Variants in PRELID2 observed in about 807,000 individuals in gnomAD.
PRELID2 encodes the protein PRELI domain-containing protein 2.
A neutral mutation model predicts 28.4 loss-of-function variants in PRELID2; 25 were observed. The ratio of observed to expected loss-of-function variants is 0.88; its 90% CI spans 0.64 to 1.23. PRELID2 has a LOEUF of 1.23. Among genes scored for constraint, PRELID2 ranks in the 50% most tolerant of loss-of-function variants. The pLI, the probability that PRELID2 is intolerant of heterozygous loss-of-function variation, is 0.00. For missense variants in PRELID2, 201 were observed against 214.4 expected, an observed-to-expected ratio of 0.94 and a Z score of 0.39; for synonymous variants, 76 against 71.6, an observed-to-expected ratio of 1.06 and a Z score of -0.31.
chr5:145,570,904 C>T (rs556746833), intron 1 of PRELID2, among the ~76,000 whole-genome samples: 1 of 152,328 alleles, frequency 6.6e-6, no homozygotes, highest in African/African-American at 2.4e-5. Context: ...CAAGACATTA[C>T]ATAAGCTGGT....
chr5:145,242,957 A>G, the PRELID2 span, among the ~76,000 whole-genome samples: 1 of 152,108 alleles, frequency 6.6e-6, no homozygotes, highest in Non-Finnish European at 1.5e-5. Context: ...ACCATTTCCC[A>G]TTTATTTTCA....
At chr5:145,691,966 C>G (rs923063774) in intron 1 of PRELID2, among the ~76,000 whole-genome samples, 9 of 152,214 alleles carry the variant, frequency 5.9e-5, no homozygotes, top group African/African-American at 2.2e-4. Context: ...GGAATACCAC[C>G]CTGGCCACCT....
intron 1 of PRELID2, among the ~76,000 whole-genome samples, chr5:145,474,235 G>C (rs544531238): frequency 4.0e-4 from 61 of 152,290 alleles, no homozygotes; most frequent in African/African-American, 1.3e-3. Flanking sequence ...ATGTAGACGT[G>C]ATCAGTTTTG....
chr5:145,696,625 C>T (rs1312241499), intron 1 of PRELID2, among the ~76,000 whole-genome samples: 1 of 152,028 alleles, frequency 6.6e-6, no homozygotes, highest in East Asian at 1.9e-4. Context: ...CCACACCTGG[C>T]TAATTTTTTT....
chr5:145,491,700 AC>A (rs1225059078), intron 1 of PRELID2, among the ~76,000 whole-genome samples: 2 of 151,326 alleles, frequency 1.3e-5, no homozygotes, highest in Non-Finnish European at 2.9e-5. Flanking sequence ...TATCTCTGTA[AC>A]CCCCCCAGTA....
At chr5:145,819,846 T>C in intron 3 of PRELID2, 99 bp downstream of exon 3, 2 of 806,602 alleles carry the variant, frequency 2.5e-6, no homozygotes, top group African/African-American at 3.8e-5. Context: ...GAGTAGGAAG[T>C]TTCTAACGCT....
intron 1 of PRELID2, among the ~76,000 whole-genome samples, chr5:145,549,017 C>G (rs9324984): frequency 0.29 from 43,761 of 152,086 alleles, 7,335 homozygotes; most frequent in African/African-American, 0.47. Flanking sequence ...GCCCCCAATA[C>G]TCTTCTCCTG....
the PRELID2 span, among the ~76,000 whole-genome samples, chr5:145,449,107 C>T: frequency 3.3e-5 from 5 of 152,102 alleles, no homozygotes; most frequent in African/African-American, 1.2e-4. Context: ...TGGCCAGCAA[C>T]CCCTCCAAAA....
At chr5:145,285,150 CT>C in the PRELID2 span, among the ~76,000 whole-genome samples, 1 of 152,044 alleles carries the variant, frequency 6.6e-6, no homozygotes, top group Non-Finnish European at 1.5e-5. Flanking sequence ...GGTGATTCAA[CT>C]TTTTGTCTTC....
rs570178768 is a variant in PRELID2 at position 145,646,570 on chromosome 5, TC to T, written n.70+118360del. On this transcript the variant is annotated intron_variant and non_coding_transcript_variant, in intron 1 of 2. Transcript: ENST00000510259. ...AAATTCATTCTCCATCCAGTTTTGC[TC>T]CCTTGCTGTTGAGGAGTTTTGATCC... Among the ~76,000 whole-genome samples the T allele has an allele frequency of 3.0e-3, 454 of 152,302 alleles. 1 individual carries two copies. The highest frequency in any genetic ancestry group is 9.4e-3 in the African/African-American group (390 of 41,566).
At chr5:145,415,267 A>C in the PRELID2 span, among the ~76,000 whole-genome samples, 119 of 151,328 alleles carry the variant, frequency 7.9e-4, no homozygotes, top group African/African-American at 2.6e-3. Context: ...TTTTTATTTT[A>C]TTTTCTTTTT....
the PRELID2 span, among the ~76,000 whole-genome samples, chr5:145,362,928 A>G: frequency 6.6e-6 from 1 of 152,050 alleles, no homozygotes; most frequent in Non-Finnish European, 1.5e-5. Context: ...CTGTTTTGAC[A>G]CCACACCATG....
chr5:145,556,992 T>C (rs1204049371), intron 1 of PRELID2, among the ~76,000 whole-genome samples: 2 of 152,182 alleles, frequency 1.3e-5, no homozygotes, highest in African/African-American at 4.8e-5. Context: ...ACCGTGTGAC[T>C]TAACTTTTTA....
At chr5:145,565,756 A>G (rs1234497471) in intron 1 of PRELID2, among the ~76,000 whole-genome samples, 1 of 152,154 alleles carries the variant, frequency 6.6e-6, no homozygotes, top group African/African-American at 2.4e-5. Flanking sequence ...TCATTCACAC[A>G]CTTCCTTTGC....
chr5:145,367,543 G>T, the PRELID2 span, among the ~76,000 whole-genome samples: 2 of 151,814 alleles, frequency 1.3e-5, no homozygotes, highest in Non-Finnish European at 2.9e-5. Flanking sequence ...ATAATGACAT[G>T]TAGCCACCAT....
chr5:145,243,912 G>A, the PRELID2 span, among the ~76,000 whole-genome samples: 1 of 151,878 alleles, frequency 6.6e-6, no homozygotes, highest in East Asian at 1.9e-4. Context: ...TACTTCCTCA[G>A]CAACTTTTAC....
At chr5:145,726,985 AGACAGTTT>A (rs1393873517) in intron 1 of PRELID2, among the ~76,000 whole-genome samples, 1 of 152,224 alleles carries the variant, frequency 6.6e-6, no homozygotes, top group Non-Finnish European at 1.5e-5. Flanking sequence ...GAATGAGAAA[AGACAGTTT>A]GAGAGATAAA....
intron 4 of PRELID2, among the ~76,000 whole-genome samples, chr5:145,800,628 A>G (rs1753072514): frequency 6.6e-6 from 1 of 152,074 alleles, no homozygotes; most frequent in Non-Finnish European, 1.5e-5. Context: ...ATTCTAACCA[A>G]TATTTCTTTC....
intron 1 of PRELID2, among the ~76,000 whole-genome samples, chr5:145,493,940 A>G (rs1021032309): frequency 1.3e-5 from 2 of 152,170 alleles, no homozygotes; most frequent in African/African-American, 4.8e-5. Flanking sequence ...TGGAGTGTAA[A>G]TTCCTTGAGG....
Sources: allele counts gnomAD v4.1 joint callset (sites outside exome capture counted in the v4.1 genomes callset), GRCh38; gene constraint gnomAD v4.1.1; transcripts MANE v1.5; gene names NCBI Gene and HGNC (gene_info 2026-07-23, HGNC 2026-07-21).